ZNF609: variants seen among roughly 807,000 people sequenced by gnomAD.
The protein encoded by ZNF609 is zinc finger protein 609.
ZNF609 carries 11 observed loss-of-function variants against 109.5 expected under a neutral mutation model. The ratio of observed to expected loss-of-function variants is 0.10; its 90% confidence interval spans 0.06 to 0.17. The LOEUF (loss-of-function observed/expected upper bound fraction) is 0.17, where lower values mean the gene tolerates loss of function less well. ZNF609 is among the 10% of genes least tolerant of loss of function. The pLI is 1.00. For synonymous variants in ZNF609, 646 were observed against 662.0 expected (o/e 0.98, Z 0.37); for missense variants, 1,559 against 1,772.4 (o/e 0.88, Z 2.16).
At chr15:64,518,925 T>C (rs920115397) in intron 2 of ZNF609, among the ~76,000 whole-genome samples, 32 of 152,248 alleles carry the variant, frequency 2.1e-4, no homozygotes, top group Admixed American at 3.3e-4. Flanking sequence ...GCACTGCCTG[T>C]GCTGGGGATA....
rs528098712 is a variant in ZNF609 at position 64,500,694 on chromosome 15, A to T, written c.747+528A>T. 2.1e-4 allele frequency: 99 copies of T among 472,458 alleles called. 1 individual carries two copies. The South Asian group carries it at 2.7e-3, about 13-fold the overall frequency. The allele number at this position is 472,458 out of a possible 1,614,324, so 29.3% of individuals were successfully genotyped here. ...AGTGTTCTATTGCCGGCTACCAAAG[A>T]GCGAAGGGGCACATTTTGAGGGCAA... On this transcript the variant is annotated intron_variant, in intron 2 of 9. Coordinates refer to ENST00000326648, the MANE Select transcript of ZNF609 (RefSeq NM_015042.2).
At chr15:64,600,365 G>A (rs925344795) in intron 2 of ZNF609, among the ~76,000 whole-genome samples, 1 of 149,980 alleles carries the variant, frequency 6.7e-6, no homozygotes, top group African/African-American at 2.5e-5. Flanking sequence ...CAGGAGAATG[G>A]CATGAACCCT....
rs1257576239 is a variant in ZNF609, at chr15:64,683,597, TG to T, written c.*1912del. 11 of 152,490 alleles carry T rather than the reference TG, an allele frequency of 7.2e-5. No individual in the cohort carries two copies. Among genetic ancestry groups the T allele is most frequent in the African/African-American group, 2.6e-4 (11 of 41,590 alleles). The allele number at this position is 152,490 out of a possible 1,614,324, so 9.4% of individuals were successfully genotyped here. Reference sequence around the variant, plus strand: ...TCTGCTGCCCTCATGGGCAGTGCTCTGAGCAGTGACCTCCCTTTCCTCCGTG... The same window carrying T: ...TCTGCTGCCCTCATGGGCAGTGCTCTAGCAGTGACCTCCCTTTCCTCCGTG... On this transcript the variant is annotated 3_prime_UTR_variant, in exon 10 of 10. Transcript: ENST00000326648.
At chr15:64,473,486 C>T (rs934288362) in intron 1 of ZNF609, among the ~76,000 whole-genome samples, 12 of 151,902 alleles carry the variant, frequency 7.9e-5, no homozygotes, top group Admixed American at 2.0e-4. Flanking sequence ...CATGAGCCAC[C>T]GCGCCTGGCC....
intron 2 of ZNF609, among the ~76,000 whole-genome samples, chr15:64,581,136 C>A: frequency 6.6e-6 from 1 of 152,010 alleles, no homozygotes; most frequent in East Asian, 1.9e-4. Context: ...AGCTGTCTTC[C>A]TGCTTCCTCC....
At chr15:64,681,623 G>T (rs2083210332) in intron 9 of ZNF609, 69 bp from the exon 10 acceptor site, 1 of 398,332 alleles carries the variant, frequency 2.5e-6, no homozygotes, top group East Asian at 3.7e-5. Flanking sequence ...CATTTTCTTG[G>T]AGTGCCACCT....
At chr15:64,606,898 C>CT (rs1477903995) in intron 2 of ZNF609, among the ~76,000 whole-genome samples, 1 of 151,876 alleles carries the variant, frequency 6.6e-6, no homozygotes, top group Non-Finnish European at 1.5e-5. Context: ...AATCCCAGCA[C>CT]TTTGGGAGGC....
chr15:64,577,213 GTATA>G (rs200550648), intron 2 of ZNF609, among the ~76,000 whole-genome samples: 1 of 63,226 alleles, frequency 1.6e-5, no homozygotes, highest in African/African-American at 5.7e-5. Flanking sequence ...ACATATATAT[GTATA>G]TATATACACA....
chr15:64,675,199 A>G lies in ZNF609; in HGVS notation c.2345A>G (p.Gln782Arg), dbSNP rs770273665. The change falls in exon 5 of 10, where the codon CAA becomes CGA. Residue 782 changes from glutamine (Q) to arginine (R), a missense_variant. By Grantham distance (43) the Gln-to-Arg change is conservative. Around this residue, in one of 4 missense-constraint regions of ZNF609, gnomAD observed 1,204 missense variants for 1,314.1 expected, o/e 0.92. Transcript: ENST00000326648. Reference protein sequence around the residue: ...GLLNGSSDPHQSRLASIKAEA... With the variant: ...GLLNGSSDPHRSRLASIKAEA... ...CTAAATGGCTCATCAGACCCCCACC[A>G]AAGCCGACTGGCTAGCATCAAGGCT... is the stretch of plus-strand genomic sequence containing the variant. The G allele has an allele frequency of 1.4e-5, 22 of 1,613,980 alleles. No individual in the cohort carries two copies. The Admixed American group carries it at 3.2e-4, about 23-fold the overall frequency.
At chr15:64,563,731 G>A (rs1257645251) in intron 2 of ZNF609, among the ~76,000 whole-genome samples, 2 of 151,890 alleles carry the variant, frequency 1.3e-5, no homozygotes, top group African/African-American at 2.4e-5. Flanking sequence ...AGCCAAGATC[G>A]CGCCATTGTT....
At chr15:64,525,647 A>G (rs1055698822) in intron 2 of ZNF609, among the ~76,000 whole-genome samples, 3 of 152,198 alleles carry the variant, frequency 2.0e-5, no homozygotes, top group African/African-American at 7.2e-5. Flanking sequence ...TGAATCTGTC[A>G]GTCAGTTTGG....
At chr15:64,536,135 C>T (rs1894139010) in intron 2 of ZNF609, among the ~76,000 whole-genome samples, 1 of 152,174 alleles carries the variant, frequency 6.6e-6, no homozygotes, top group South Asian at 2.1e-4. Flanking sequence ...GTCCTCCCGC[C>T]TCAGCCTCAT....
chr15:64,585,208 C>T (rs1195213200), intron 2 of ZNF609, among the ~76,000 whole-genome samples: 3 of 152,020 alleles, frequency 2.0e-5, no homozygotes, highest in Non-Finnish European at 4.4e-5. Flanking sequence ...GCCTGTAATT[C>T]CAGCTACTCG....
chr15:64,667,110 G>A (rs1476131597), intron 3 of ZNF609, among the ~76,000 whole-genome samples: 4 of 151,758 alleles, frequency 2.6e-5, no homozygotes, highest in Non-Finnish European at 4.4e-5. Flanking sequence ...CAGCCTGGGC[G>A]ACAGAGCGAG....
chr15:64,500,208 A>G, intron 2 of ZNF609, 42 bp downstream of exon 2: 2 of 1,602,020 alleles, frequency 1.2e-6, no homozygotes, highest in Non-Finnish European at 8.5e-7. Flanking sequence ...ACTGCCAGTC[A>G]GAACTGCCCT....
At chr15:64,555,188 T>TA (rs1237806202) in intron 2 of ZNF609, among the ~76,000 whole-genome samples, 3 of 151,830 alleles carry the variant, frequency 2.0e-5, no homozygotes, top group Non-Finnish European at 2.9e-5. Flanking sequence ...AACCTAGTGA[T>TA]ACCTCATCTC....
intron 2 of ZNF609, among the ~76,000 whole-genome samples, chr15:64,537,522 G>GA (rs1246967632): frequency 5.8e-4 from 81 of 139,054 alleles, no homozygotes; most frequent in African/African-American, 2.1e-3. Context: ...AAAAGAAAAA[G>GA]AAAAAAAAGA....
In ZNF609 at chr15:64,674,694, T is replaced by C; in HGVS notation, c.1840T>C (p.Ser614Pro). Residue 614 changes from serine (S) to proline (P), a missense_variant, in exon 5 of 10, where the codon TCA (serine) becomes CCA (proline). Transcript: ENST00000326648. Reference sequence around the variant, plus strand: ...CAATGATGGCTCTGATGATGGACCCTCAGTGATGGATGAAACAAGCAATGA... The same window carrying C: ...CAATGATGGCTCTGATGATGGACCCCCAGTGATGGATGAAACAAGCAATGA... Reference protein sequence around the residue: ...LSNDGSDDGPSVMDETSNDAF... With the variant: ...LSNDGSDDGPPVMDETSNDAF... 3.1e-6 allele frequency: 5 copies of C among 1,614,100 alleles called. No homozygotes were observed. Among genetic ancestry groups the C allele is most frequent in the Non-Finnish European group, 4.2e-6 (5 of 1,180,038 alleles).
chr15:64,600,560 C>T (rs530349393), intron 2 of ZNF609, among the ~76,000 whole-genome samples: 29 of 150,168 alleles, frequency 1.9e-4, no homozygotes, highest in Admixed American at 1.3e-4. Flanking sequence ...CACTTAAACC[C>T]GGGAGGCAGA....
Sources: allele counts gnomAD v4.1 joint callset (sites outside exome capture counted in the v4.1 genomes callset), GRCh38; gene constraint gnomAD v4.1.1; regional missense constraint gnomAD v4.1.1; transcripts MANE v1.5; gene names NCBI Gene and HGNC (gene_info 2026-07-23, HGNC 2026-07-21).